The following GPR158 variants were observed in gnomAD, a reference collection of about 807,000 sequenced individuals.
GPR158 encodes the protein metabotropic glycine receptor.
Under a neutral mutation model 78.2 loss-of-function variants are expected in GPR158, and 30 were observed. The observed-to-expected ratio is 0.38, with a 90% CI of 0.29 to 0.52. The LOEUF (loss-of-function observed/expected upper bound fraction) is 0.52. GPR158 is among the 20% of genes least tolerant of loss of function. The probability of loss-of-function intolerance (pLI) is 0.83; values close to 1 mark genes in which losing one functional copy is unlikely to be tolerated. For missense variants in GPR158, 1,463 were observed against 1,523.5 expected, an observed-to-expected ratio of 0.96 and a Z score of 0.66; for synonymous variants, 581 against 591.1, an observed-to-expected ratio of 0.98 and a Z score of 0.25.
At chr10:25,443,976 T>C (rs906712149) in intron 4 of GPR158, among the ~76,000 whole-genome samples, 3 of 152,076 alleles carry the variant, frequency 2.0e-5, no homozygotes, top group Admixed American at 6.6e-5. Flanking sequence ...TCTCAGCATG[T>C]ATGCTGTGAG....
At chr10:25,498,561 C>T (rs1835914391) in intron 5 of GPR158, among the ~76,000 whole-genome samples, 1 of 152,154 alleles carries the variant, frequency 6.6e-6, no homozygotes, top group Admixed American at 6.5e-5. Context: ...AGAATCACTT[C>T]TGTAATGTGT....
chr10:25,514,127 T>C (rs1171582004), intron 5 of GPR158, among the ~76,000 whole-genome samples: 1 of 152,148 alleles, frequency 6.6e-6, no homozygotes, highest in African/African-American at 2.4e-5. Flanking sequence ...TCTCCCACTA[T>C]TGTGTTGCAG....
At chr10:25,581,230 A>G (rs950305586) in intron 7 of GPR158, among the ~76,000 whole-genome samples, 1 of 151,880 alleles carries the variant, frequency 6.6e-6, no homozygotes, top group Non-Finnish European at 1.5e-5. Flanking sequence ...GCCCGGCGCT[A>G]ATTTTTAAAA....
At chr10:25,353,283 GATTA>G (rs970301453) in intron 2 of GPR158, among the ~76,000 whole-genome samples, 14 of 151,994 alleles carry the variant, frequency 9.2e-5, no homozygotes, top group Non-Finnish European at 4.4e-5. Flanking sequence ...CCTTTACAAT[GATTA>G]ATTATTTCCT....
chr10:25,582,700 T>C (rs1477868809), intron 7 of GPR158, among the ~76,000 whole-genome samples: 1 of 152,194 alleles, frequency 6.6e-6, no homozygotes, highest in African/African-American at 2.4e-5. Context: ...GCATTCAAAA[T>C]TGTTACTCCT....
chr10:25,442,488 T>C (rs1835081587), intron 4 of GPR158, among the ~76,000 whole-genome samples: 1 of 151,976 alleles, frequency 6.6e-6, no homozygotes, highest in Admixed American at 6.6e-5. Context: ...GTCTGGGCAA[T>C]CTCAGACATT....
intron 2 of GPR158, chr10:25,244,086 A>C (rs1204105320): frequency 6.6e-6 from 1 of 152,128 alleles, no homozygotes; most frequent in Non-Finnish European, 1.5e-5. Flanking sequence ...ACTTAGAACA[A>C]GAGTCATCTT....
intron 2 of GPR158, among the ~76,000 whole-genome samples, chr10:25,287,024 G>A (rs1448282614): frequency 6.6e-6 from 1 of 152,004 alleles, no homozygotes; most frequent in Admixed American, 6.6e-5. Flanking sequence ...GAGGGTTGGG[G>A]TGATTTTTAT....
chr10:25,534,682 A>G (rs1233177568), intron 5 of GPR158, among the ~76,000 whole-genome samples: 1 of 152,114 alleles, frequency 6.6e-6, no homozygotes, highest in Non-Finnish European at 1.5e-5. Flanking sequence ...TGAACCCAAG[A>G]GGTGGAGGTT....
At chr10:25,585,136 G>A (rs537250215) in intron 7 of GPR158, among the ~76,000 whole-genome samples, 1 of 152,282 alleles carries the variant, frequency 6.6e-6, no homozygotes, top group East Asian at 1.9e-4. Flanking sequence ...CTGTTTGTAT[G>A]CCTGGAACCC....
At chr10:25,466,762 T>C (rs1835429099) in intron 5 of GPR158, 43 bp downstream of exon 5, 1 of 1,061,990 alleles carries the variant, frequency 9.4e-7, no homozygotes, top group East Asian at 2.4e-5. Context: ...ATTTATTTTA[T>C]GTTGCATACT....
intron 4 of GPR158, among the ~76,000 whole-genome samples, chr10:25,441,482 C>G (rs940971572): frequency 6.6e-6 from 1 of 152,212 alleles, no homozygotes; most frequent in African/African-American, 2.4e-5. Context: ...CAGGTGACTG[C>G]TCTTTCCAAT....
In GPR158 at chr10:25,487,484, C is replaced by T. The variant is rs181410179; in HGVS notation, c.1404+20765C>T. Among the ~76,000 whole-genome samples the T allele has an allele frequency of 2.6e-5, 4 of 152,248 alleles. No homozygotes were observed. The East Asian group carries it at 7.7e-4, about 29-fold the overall frequency. ...CTGTTGCAGTGGCATAGTGGCTGTCCCAGCTAGGAATGTGCCTTTGTATTC... is the reference window on the plus strand; with the variant it reads ...CTGTTGCAGTGGCATAGTGGCTGTCTCAGCTAGGAATGTGCCTTTGTATTC... On this transcript the variant is annotated intron_variant, in intron 5 of 10. Transcript: ENST00000376351.
In GPR158 at chr10:25,599,018, A is replaced by G. The variant is rs1450861665; in HGVS notation, c.3392A>G (p.Asn1131Ser). 4 of 1,614,162 alleles carry G rather than the reference A, an allele frequency of 2.5e-6. No homozygotes were observed. Among genetic ancestry groups the G allele is most frequent in the Non-Finnish European group, 3.4e-6 (4 of 1,180,022 alleles). Reference sequence around the variant, plus strand: ...AAAGCTGTAGCATCAAAAACAGAGAATGAAAATCTCAACCAAATAGGACAC... The same window carrying G: ...AAAGCTGTAGCATCAAAAACAGAGAGTGAAAATCTCAACCAAATAGGACAC... Reference protein sequence around the residue: ...PPKAVASKTENENLNQIGHQE... With the variant: ...PPKAVASKTESENLNQIGHQE... The change falls in exon 11 of 11, where the codon AAT becomes AGT. Residue 1131 changes from asparagine (N) to serine (S), a missense_variant. Asn to Ser is a conservative substitution (Grantham distance 46). Coordinates refer to ENST00000376351, the MANE Select transcript of GPR158 (RefSeq NM_020752.3).
At chr10:25,271,571 A>G (rs980215163) in intron 2 of GPR158, among the ~76,000 whole-genome samples, 1 of 152,208 alleles carries the variant, frequency 6.6e-6, no homozygotes, top group Non-Finnish European at 1.5e-5. Flanking sequence ...CACATGTCAT[A>G]TGGCAGTTCG....
intron 2 of GPR158, among the ~76,000 whole-genome samples, chr10:25,267,742 G>GT (rs58797206): frequency 0.047 from 7,222 of 152,050 alleles, 590 homozygotes; most frequent in African/African-American, 0.17. Context: ...ACCCAATGTT[G>GT]TTTTAAATGA....
intron 2 of GPR158, among the ~76,000 whole-genome samples, chr10:25,280,751 A>G (rs1217057836): frequency 4.1e-5 from 6 of 146,888 alleles, no homozygotes; most frequent in South Asian, 2.1e-4. Flanking sequence ...ACGTACGTAC[A>G]TACGTACATA....
chr10:25,528,410 G>A (rs1414953389), intron 5 of GPR158, among the ~76,000 whole-genome samples: 1 of 151,518 alleles, frequency 6.6e-6, no homozygotes, highest in Non-Finnish European at 1.5e-5. Context: ...AACATAATTG[G>A]GTACATTAAA....
At chr10:25,582,059 C>T (rs965318755) in intron 7 of GPR158, among the ~76,000 whole-genome samples, 15 of 152,146 alleles carry the variant, frequency 9.9e-5, no homozygotes, top group African/African-American at 3.6e-4. Flanking sequence ...AGACTTACCC[C>T]AAGAATAGTA....
Sources: allele counts gnomAD v4.1 joint callset (sites outside exome capture counted in the v4.1 genomes callset), GRCh38; gene constraint gnomAD v4.1.1; transcripts MANE v1.5; gene names NCBI Gene and HGNC (gene_info 2026-07-23, HGNC 2026-07-21).